KCNQ3: variants seen among roughly 807,000 people sequenced by gnomAD.
KCNQ3 encodes potassium voltage-gated channel subfamily KQT member 3.
KCNQ3 carries 30 observed loss-of-function variants against 92.5 expected under a neutral mutation model. The observed-to-expected ratio is 0.32, with a 90% CI of 0.24 to 0.44. The LOEUF is 0.44. Among genes scored for constraint, KCNQ3 ranks in the 20% least tolerant of loss-of-function variants. The pLI is 1.00. For missense variants in KCNQ3, 913 were observed against 1,140.3 expected (o/e 0.80, Z 2.87); for synonymous variants, 450 against 468.8 (o/e 0.96, Z 0.52).
chr8:132,399,129 AT>A, intron 1 of KCNQ3, among the ~76,000 whole-genome samples: 1 of 152,326 alleles, frequency 6.6e-6, no homozygotes, highest in Non-Finnish European at 1.5e-5. Flanking sequence ...CGATTTACAA[AT>A]TTATTCAGAA....
At chr8:132,170,312 A>G (rs930342148) in intron 8 of KCNQ3, 22 bp downstream of exon 8, 1 of 1,558,942 alleles carries the variant, frequency 6.4e-7, no homozygotes, top group African/African-American at 1.4e-5. Flanking sequence ...CGCCCTGAGC[A>G]TTCAGGTGAG....
At position 132,129,914 on chromosome 8, in the gene KCNQ3, T is replaced by C; in HGVS notation, c.1967A>G (p.Glu656Gly). 6.2e-7 allele frequency: 1 copy of C among 1,614,136 alleles called. No homozygotes were observed. The highest frequency in any genetic ancestry group is 8.5e-7 in the Non-Finnish European group (1 of 1,180,018). The change falls in exon 15 of 15, where the codon GAG (glutamate) becomes GGG (glycine). Residue 656 changes from glutamate (E) to glycine (G), a missense_variant. By Grantham distance (98) the Glu-to-Gly change is moderately conservative. Coordinates refer to ENST00000388996, the MANE Select transcript of KCNQ3 (RefSeq NM_004519.4). This position sits in a 1 kb window ranked among gnomAD's most constrained non-coding sequence, Gnocchi z 5.9. ...GGAGGTGCCCTTGGTTGGGTAATAC[T>C]CCGTGACCTGCACCTGCAACCGTTC... ...HMERLQVQVT[E>G]YYPTKGTSSP...
At chr8:132,335,490 AGAGTGTGATAACC>A (rs1256953580) in intron 1 of KCNQ3, among the ~76,000 whole-genome samples, 1 of 152,118 alleles carries the variant, frequency 6.6e-6, no homozygotes, top group Non-Finnish European at 1.5e-5. Flanking sequence ...GACAGGCCAA[AGAGTGTGATAACC>A]GCCCAGCTAC....
intron 1 of KCNQ3, among the ~76,000 whole-genome samples, chr8:132,315,957 C>T (rs1252930212): frequency 1.3e-5 from 2 of 152,138 alleles, no homozygotes. Flanking sequence ...TTAAAATAGC[C>T]TGAATATAGC....
chr8:132,327,076 C>T (rs1276772471), intron 1 of KCNQ3, among the ~76,000 whole-genome samples: 2 of 152,138 alleles, frequency 1.3e-5, no homozygotes, highest in Non-Finnish European at 2.9e-5. Context: ...CATTGCTATA[C>T]CCTCGAGCCT....
At chr8:132,336,482 A>G (rs1172249629) in intron 1 of KCNQ3, among the ~76,000 whole-genome samples, 3 of 152,172 alleles carry the variant, frequency 2.0e-5, no homozygotes, top group African/African-American at 7.2e-5. Flanking sequence ...ATATTCATGG[A>G]GCTCCAGACA....
chr8:132,331,638 T>C (rs1222018650), intron 1 of KCNQ3, among the ~76,000 whole-genome samples: 1 of 152,150 alleles, frequency 6.6e-6, no homozygotes, highest in East Asian at 1.9e-4. Flanking sequence ...AAAATATCTA[T>C]TGAGCACCCA....
chr8:132,307,856 G>T (rs1367504407), intron 1 of KCNQ3, among the ~76,000 whole-genome samples: 4 of 152,186 alleles, frequency 2.6e-5, no homozygotes, highest in Non-Finnish European at 5.9e-5. Context: ...AGATTAGAAA[G>T]GTTATATGAG....
intron 1 of KCNQ3, among the ~76,000 whole-genome samples, chr8:132,327,081 G>A (rs942618136): frequency 3.9e-5 from 6 of 151,922 alleles, no homozygotes; most frequent in Admixed American, 1.3e-4. Context: ...CTATACCCTC[G>A]AGCCTAAAAA....
At position 132,425,172 on chromosome 8, in the gene KCNQ3, A is replaced by G. The variant is rs570706069; in HGVS notation, c.386+54975T>C. Among the ~76,000 whole-genome samples, 4 of 152,314 alleles carry G rather than the reference A, an allele frequency of 2.6e-5. No individual in the cohort carries two copies. In the East Asian group the frequency reaches 7.7e-4, roughly 29 times the overall value. On this transcript the variant is annotated intron_variant, in intron 1 of 14. Transcript: ENST00000388996. ...GCAGCAATGACCTGCCCCCAACTGG[A>G]CGCCAATACATATAGTCTCAGGAGA... is the stretch of plus-strand genomic sequence containing the variant.
intron 9 of KCNQ3, among the ~76,000 whole-genome samples, chr8:132,157,641 GTTTTAT>G (rs1586782107): frequency 1.3e-5 from 2 of 151,572 alleles, no homozygotes; most frequent in East Asian, 2.0e-4. Flanking sequence ...TGTAACCTGT[GTTTTAT>G]TTTATTTTAT....
At chr8:132,448,950 A>C (rs190548099) in intron 1 of KCNQ3, among the ~76,000 whole-genome samples, 126 of 152,354 alleles carry the variant, frequency 8.3e-4, no homozygotes, top group African/African-American at 3.0e-3. Flanking sequence ...AAAAAGGCCA[A>C]CACGGGTTAG....
intron 1 of KCNQ3, among the ~76,000 whole-genome samples, chr8:132,242,012 T>C (rs760653796): frequency 2.0e-4 from 22 of 112,080 alleles, no homozygotes; most frequent in Non-Finnish European, 3.1e-4. Flanking sequence ...TTAATTTGCT[T>C]AGGAACTTAT....
At chr8:132,192,372 T>C (rs1827186209) in intron 1 of KCNQ3, among the ~76,000 whole-genome samples, 1 of 152,140 alleles carries the variant, frequency 6.6e-6, no homozygotes, top group Non-Finnish European at 1.5e-5. Flanking sequence ...CATATTTCAA[T>C]TTACCCTTAA....
At chr8:132,179,242 A>G (rs147448657) in intron 4 of KCNQ3, among the ~76,000 whole-genome samples, 172 of 151,654 alleles carry the variant, frequency 1.1e-3, no homozygotes, top group African/African-American at 4.0e-3. Flanking sequence ...ATCTAAATGA[A>G]CTGGATTCTG....
intron 1 of KCNQ3, among the ~76,000 whole-genome samples, chr8:132,264,614 G>A (rs1340377071): frequency 6.6e-6 from 1 of 152,156 alleles, no homozygotes; most frequent in Non-Finnish European, 1.5e-5. Flanking sequence ...CATGTGCCAG[G>A]AGTCCCACCC....
Position 132,480,353 on chromosome 8 carries a change from T to C in KCNQ3, c.180A>G (p.Gly60=), listed in dbSNP as rs756439288. The change falls in exon 1 of 15, where the codon GGA becomes GGG. Residue 60 remains glycine (G), a synonymous_variant. Transcript: ENST00000388996. ...GCAGCAGGGTCCCGTCTTTGTCGGC[T>C]CCGGCCCCGAGCGCCAAGGTGACTT... The part of the protein sequence containing the change: ...VEQVTLALGA[G]ADKDGTLLLE... 17 of 1,591,224 alleles carry C rather than the reference T, an allele frequency of 1.1e-5. No individual in the cohort carries two copies. Among genetic ancestry groups the C allele is most frequent in the Non-Finnish European group, 1.4e-5 (16 of 1,173,708 alleles).
Position 132,131,031 on chromosome 8 carries a change from C to T in KCNQ3, c.1885-1035G>A, listed in dbSNP as rs114593288. Among the ~76,000 whole-genome samples the T allele has an allele frequency of 5.1e-3, 779 of 152,270 alleles. 8 individuals are homozygous for T. The highest frequency in any genetic ancestry group is 0.018 in the African/African-American group (731 of 41,556). Reference sequence around the variant, plus strand: ...TGACAAGGGTCAGTTAGAAAAGTTACAATCTGACTCTGTCTTATGCACTTT... The same window carrying T: ...TGACAAGGGTCAGTTAGAAAAGTTATAATCTGACTCTGTCTTATGCACTTT... On this transcript the variant is annotated intron_variant, in intron 14 of 14. Coordinates refer to ENST00000388996, the MANE Select transcript of KCNQ3 (RefSeq NM_004519.4).
chr8:132,147,683 A>T (rs1361164180), intron 9 of KCNQ3, among the ~76,000 whole-genome samples: 1 of 152,190 alleles, frequency 6.6e-6, no homozygotes, highest in Non-Finnish European at 1.5e-5. Context: ...TGGATAATGG[A>T]TATATGGATG....
Sources: gnomAD v4.1 joint callset for allele counts (sites outside exome capture counted in the v4.1 genomes callset) on GRCh38, gnomAD v4.1.1 for gene constraint, Gnocchi (gnomAD v3.1) non-coding constraint, MANE v1.5 for transcripts, NCBI Gene and HGNC (gene_info 2026-07-23, HGNC 2026-07-21) for gene names.